The following VOPP1 variants were observed in gnomAD, a reference collection of about 807,000 sequenced individuals.
The protein encoded by VOPP1 is VOPP1 WW domain binding protein.
In VOPP1, 8 loss-of-function variants were observed where a neutral mutation model predicts 23.5. The observed-to-expected ratio is 0.34, with a 90% CI of 0.20 to 0.61. The LOEUF (loss-of-function observed/expected upper bound fraction) is 0.61. VOPP1 is among the 20% of genes least tolerant of loss of function. VOPP1 has a pLI of 0.78. For synonymous variants in VOPP1, 83 were observed against 97.3 expected (o/e 0.85, Z 0.86); for missense variants, 174 against 238.1 (o/e 0.73, Z 1.77).
intron 2 of VOPP1, among the ~76,000 whole-genome samples, chr7:55,517,774 T>C (rs781571991): frequency 6.6e-6 from 1 of 152,002 alleles, no homozygotes; most frequent in Non-Finnish European, 1.5e-5. Context: ...CTGGATGGAG[T>C]AGAATATAGC....
intron 4 of VOPP1, among the ~76,000 whole-genome samples, chr7:55,452,103 T>C (rs1042047071): frequency 3.9e-5 from 6 of 152,234 alleles, no homozygotes; most frequent in African/African-American, 1.4e-4. Flanking sequence ...GCCACTACTT[T>C]ACCAACTAAG....
rs548190786 is a variant in VOPP1 at position 55,497,255 on chromosome 7, G to A, written c.191+358C>T. 2.1e-3 allele frequency among the ~76,000 whole-genome samples: 319 copies of A among 152,324 alleles called. 3 individuals are homozygous for A. Among genetic ancestry groups the A allele is most frequent in the East Asian group, 2.5e-3 (13 of 5,182 alleles). ...GAGTCTGGACAATGAAAACTCGATC[G>A]CCTGCCAGTCTCAGTTGGGTGATTT... On this transcript the variant is annotated intron_variant, in intron 3 of 4. Coordinates refer to ENST00000285279, the MANE Select transcript of VOPP1 (RefSeq NM_030796.5).
At chr7:55,530,605 A>C (rs1524993) in intron 1 of VOPP1, among the ~76,000 whole-genome samples, 1 of 152,156 alleles carries the variant, frequency 6.6e-6, no homozygotes, top group Non-Finnish European at 1.5e-5. Flanking sequence ...TTCTGTGGCA[A>C]TGTCTACAAG....
At chr7:55,562,849 G>A (rs1373170081) in intron 1 of VOPP1, among the ~76,000 whole-genome samples, 2 of 152,138 alleles carry the variant, frequency 1.3e-5, no homozygotes, top group African/African-American at 2.4e-5. Context: ...TTTTGTCAAC[G>A]CACGCCTTGC....
At chr7:55,463,998 A>C (rs1402815442) in intron 4 of VOPP1, among the ~76,000 whole-genome samples, 1 of 152,206 alleles carries the variant, frequency 6.6e-6, no homozygotes, top group Non-Finnish European at 1.5e-5. Flanking sequence ...GCCCCAATGT[A>C]CATGGCAACT....
At chr7:55,510,684 T>C (rs1424179784) in intron 2 of VOPP1, among the ~76,000 whole-genome samples, 1 of 151,394 alleles carries the variant, frequency 6.6e-6, no homozygotes, top group Non-Finnish European at 1.5e-5. Flanking sequence ...CAATGCTGCA[T>C]GCAGGAGGGA....
chr7:55,492,320 T>C lies in VOPP1; in HGVS notation c.290A>G (p.Asn97Ser), dbSNP rs768765861. Reference sequence around the variant, plus strand: ...TGGGGGCTGCCTGGTGTAGGACACATTGAAGGCTGGCTCCTCGATCAGCGG... The same window carrying C: ...TGGGGGCTGCCTGGTGTAGGACACACTGAAGGCTGGCTCCTCGATCAGCGG... ...PPPLIEEPAF[N>S]VSYTRQPPNP... is the part of the protein sequence containing the mutation. The change falls in exon 4 of 5, where the codon AAT becomes AGT. Residue 97 changes from asparagine (N) to serine (S), a missense_variant. Physicochemically the swap from Asn to Ser is conservative, Grantham distance 46. Coordinates refer to ENST00000285279, the MANE Select transcript of VOPP1 (RefSeq NM_030796.5). The C allele has an allele frequency of 3.7e-6, 6 of 1,611,488 alleles. No homozygotes were observed. Among genetic ancestry groups the C allele is most frequent in the Non-Finnish European group, 5.1e-6 (6 of 1,178,898 alleles).
chr7:55,457,326 C>T (rs746488305), intron 4 of VOPP1, among the ~76,000 whole-genome samples: 1 of 152,168 alleles, frequency 6.6e-6, no homozygotes, highest in East Asian at 1.9e-4. Context: ...AACAGTATTC[C>T]ATTGTGTAAG....
At chr7:55,532,136 C>T (rs1446050698) in intron 1 of VOPP1, among the ~76,000 whole-genome samples, 2 of 152,168 alleles carry the variant, frequency 1.3e-5, no homozygotes, top group Non-Finnish European at 2.9e-5. Flanking sequence ...GTAAAGAGCA[C>T]AAGAAATTGA....
chr7:55,503,078 G>A (rs1303659087), intron 2 of VOPP1, among the ~76,000 whole-genome samples: 1 of 152,198 alleles, frequency 6.6e-6, no homozygotes, highest in Non-Finnish European at 1.5e-5. Context: ...ATTCCTTACT[G>A]TACCCCTGGA....
At chr7:55,461,362 C>G (rs766819634) in intron 4 of VOPP1, among the ~76,000 whole-genome samples, 1 of 152,070 alleles carries the variant, frequency 6.6e-6, no homozygotes, top group Admixed American at 6.6e-5. Context: ...CCAAACATCA[C>G]CTGTTCACCA....
At chr7:55,436,633 T>TGTGTGTGCGTGCGTGGGTGTGTGTGC (rs1235014413) in intron 4 of VOPP1, among the ~76,000 whole-genome samples, 1 of 140,612 alleles carries the variant, frequency 7.1e-6, no homozygotes, top group Admixed American at 6.9e-5. Flanking sequence ...TGTGTGTGCG[T>TGTGTGTGCGTGCGTGGGTGTGTGTGC]GTGTGTGCGT....
chr7:55,547,281 T>C (rs1185216762), intron 1 of VOPP1, among the ~76,000 whole-genome samples: 4 of 152,132 alleles, frequency 2.6e-5, no homozygotes. Context: ...CCAACAGGAC[T>C]GAGGCTACCT....
downstream of VOPP1, among the ~76,000 whole-genome samples, chr7:55,467,780 C>T (rs573923339): frequency 3.3e-4 from 50 of 152,222 alleles, no homozygotes; most frequent in Non-Finnish European, 6.6e-4. Context: ...GCTGCTCAGC[C>T]TCTTCTGGCT....
At chr7:55,487,134 G>A (rs1793204032) in intron 4 of VOPP1, among the ~76,000 whole-genome samples, 1 of 152,084 alleles carries the variant, frequency 6.6e-6, no homozygotes, top group Non-Finnish European at 1.5e-5. Flanking sequence ...ATGACTTGAG[G>A]GTAATTAAAC....
chr7:55,486,518 G>C (rs1479445305), intron 4 of VOPP1, among the ~76,000 whole-genome samples: 2 of 152,176 alleles, frequency 1.3e-5, no homozygotes, highest in South Asian at 4.1e-4. Context: ...CAGAATGTCA[G>C]ATGCACAGAG....
chr7:55,526,567 G>T (rs1240292745), intron 1 of VOPP1, among the ~76,000 whole-genome samples: 2 of 152,148 alleles, frequency 1.3e-5, no homozygotes, highest in African/African-American at 4.8e-5. Flanking sequence ...CGTGACTCTG[G>T]GACATGAGGG....
At chr7:55,539,860 TACAC>T (rs1171486723) in intron 1 of VOPP1, among the ~76,000 whole-genome samples, 1 of 143,310 alleles carries the variant, frequency 7.0e-6, no homozygotes, top group Non-Finnish European at 1.5e-5. Flanking sequence ...ATATTTGTCA[TACAC>T]ACAACATAAC....
At chr7:55,541,123 G>C (rs1341716815) in intron 1 of VOPP1, among the ~76,000 whole-genome samples, 1 of 152,210 alleles carries the variant, frequency 6.6e-6, no homozygotes, top group East Asian at 1.9e-4. Context: ...GGGCAAAGGA[G>C]TGACTGCTAG....
Sources: gnomAD v4.1 joint callset for allele counts (sites outside exome capture counted in the v4.1 genomes callset) on GRCh38, gnomAD v4.1.1 for gene constraint, MANE v1.5 for transcripts, NCBI Gene and HGNC (gene_info 2026-07-23, HGNC 2026-07-21) for gene names.